RERE: variants seen among roughly 807,000 people sequenced by gnomAD.
The protein encoded by RERE is arginine-glutamic acid dipeptide repeats protein.
Under a neutral mutation model 146.1 loss-of-function variants are expected in RERE, and 40 were observed. The observed-to-expected ratio is 0.27, with a 90% CI of 0.21 to 0.36. The LOEUF (loss-of-function observed/expected upper bound fraction) is 0.36, where lower values mean the gene tolerates loss of function less well. RERE is among the 10% of genes least tolerant of loss of function. The pLI, the probability that RERE is intolerant of heterozygous loss-of-function variation, is 1.00. For synonymous variants in RERE, 1,003 were observed against 866.0 expected, an observed-to-expected ratio of 1.16 and a Z score of -2.78; for missense variants, 1,933 against 2,138.7, an observed-to-expected ratio of 0.90 and a Z score of 1.90.
chr1:8,589,626 G>C (rs1646468721), intron 4 of RERE, among the ~76,000 whole-genome samples: 2 of 152,180 alleles, frequency 1.3e-5, no homozygotes, highest in African/African-American at 4.8e-5. Flanking sequence ...ATTAGGTCTT[G>C]CTCTCAAATT....
chr1:8,380,468 C>T (rs1570097855), intron 12 of RERE, among the ~76,000 whole-genome samples: 1 of 152,104 alleles, frequency 6.6e-6, no homozygotes, highest in Admixed American at 6.5e-5. Flanking sequence ...TCTCCCTCAA[C>T]CTCCTGAGCA....
At chr1:8,559,981 C>T (rs75256508) in intron 4 of RERE, among the ~76,000 whole-genome samples, 1,537 of 152,232 alleles carry the variant, frequency 0.01, 27 homozygotes, top group African/African-American at 0.036. Context: ...TAGCCAAGAA[C>T]TTAAGAGGGG....
chr1:8,739,826 A>G (rs202108826), intron 1 of RERE, among the ~76,000 whole-genome samples: 1 of 27,496 alleles, frequency 3.6e-5, no homozygotes, highest in Non-Finnish European at 9.3e-5. Flanking sequence ...ATTATGATTA[A>G]TGTTAATAAT....
At chr1:8,600,797 C>T (rs1244251127) in intron 4 of RERE, among the ~76,000 whole-genome samples, 9 of 147,852 alleles carry the variant, frequency 6.1e-5, no homozygotes, top group Non-Finnish European at 1.3e-4. Context: ...CTGTGTCACC[C>T]AGGCTGGAGT....
At chr1:8,650,764 G>A (rs1647581939) in intron 2 of RERE, among the ~76,000 whole-genome samples, 1 of 152,062 alleles carries the variant, frequency 6.6e-6, no homozygotes, top group Admixed American at 6.5e-5. Flanking sequence ...GGGCATGGTG[G>A]CACGCGCCTG....
At position 8,595,376 on chromosome 1, in the gene RERE, C is replaced by T. The variant is rs917685679; in HGVS notation, c.522+19185G>A. ...TCATTAAATACCAATAAAAACTTTT[C>T]TGTTGTCCTGAATATTTTGTTACAA... is the stretch of plus-strand genomic sequence containing the variant. On this transcript the variant is annotated intron_variant, in intron 4 of 22. Coordinates refer to ENST00000400908, the MANE Select transcript of RERE (RefSeq NM_001042681.2). 2.6e-4 allele frequency among the ~76,000 whole-genome samples: 39 copies of T among 151,624 alleles called. 1 individual carries two copies. Among genetic ancestry groups the T allele is most frequent in the African/African-American group, 9.2e-4 (38 of 41,284 alleles).
chr1:8,646,987 G>A (rs934576764), intron 2 of RERE, among the ~76,000 whole-genome samples: 13 of 152,164 alleles, frequency 8.5e-5, no homozygotes, highest in Admixed American at 6.5e-5. Context: ...GCATGGTAAT[G>A]CATGCCTATA....
Position 8,693,590 on chromosome 1 carries a change from A to T in RERE, c.-144-37149T>A, listed in dbSNP as rs577492955. Among the ~76,000 whole-genome samples the T allele has an allele frequency of 2.0e-5, 3 of 152,316 alleles. No homozygotes were observed. In the East Asian group the frequency reaches 5.8e-4, roughly 29 times the overall value. On this transcript the variant is annotated intron_variant, in intron 1 of 22. Transcript: ENST00000400908. Reference sequence around the variant, plus strand: ...CAGTGGTGGCCAGGGGCTTGGGGGCAGAGAGGGAGGGATGAATAGGGAGAA... The same window carrying T: ...CAGTGGTGGCCAGGGGCTTGGGGGCTGAGAGGGAGGGATGAATAGGGAGAA...
chr1:8,812,747 G>C (rs1641837016), intron 1 of RERE, among the ~76,000 whole-genome samples: 1 of 152,132 alleles, frequency 6.6e-6, no homozygotes, highest in Non-Finnish European at 1.5e-5. Flanking sequence ...CTAATGTACA[G>C]ACACACAGTA....
rs1229990591 is a variant in RERE at position 8,746,416 on chromosome 1, G to C, written c.-145+70744C>G. 2.6e-5 allele frequency among the ~76,000 whole-genome samples: 4 copies of C among 152,056 alleles called. No individual in the cohort carries two copies. In the East Asian group the frequency reaches 7.7e-4, roughly 29 times the overall value. ...TGTTCAAGAATGGACCCATGTCTCAGTAAGAACCACTGAGAACCCTCCCCA... is the reference window on the plus strand; with the variant it reads ...TGTTCAAGAATGGACCCATGTCTCACTAAGAACCACTGAGAACCCTCCCCA... On this transcript the variant is annotated intron_variant, in intron 1 of 22. Coordinates refer to ENST00000400908, the MANE Select transcript of RERE (RefSeq NM_001042681.2).
intron 1 of RERE, among the ~76,000 whole-genome samples, chr1:8,720,882 C>T (rs1424191785): frequency 6.6e-6 from 1 of 152,148 alleles, no homozygotes; most frequent in Non-Finnish European, 1.5e-5. Context: ...ACGGTGCAAC[C>T]CCGTCTCTAC....
rs148422347 is a variant in RERE at position 8,667,814 on chromosome 1, T to C, written c.-144-11373A>G. Among the ~76,000 whole-genome samples the C allele has an allele frequency of 7.6e-3, 1,160 of 152,368 alleles. 10 individuals carry two copies. The highest frequency in any genetic ancestry group is 0.012 in the South Asian group (56 of 4,830). On this transcript the variant is annotated intron_variant, in intron 1 of 22. Transcript: ENST00000400908. ...CTGCCAACAGTTGTGTCTCTTCTAC[T>C]CAGCAGGTTAAGGGAAATACACTGC...
chr1:8,631,877 T>C (rs553734616), intron 2 of RERE, among the ~76,000 whole-genome samples: 43 of 152,326 alleles, frequency 2.8e-4, no homozygotes, highest in African/African-American at 1.0e-3. Context: ...CATCTACCTA[T>C]TGAAGTAGTG....
chr1:8,371,761 G>A (rs1246945848), intron 12 of RERE, among the ~76,000 whole-genome samples: 1 of 152,224 alleles, frequency 6.6e-6, no homozygotes, highest in East Asian at 1.9e-4. Flanking sequence ...ACAGGGGCCG[G>A]GGCTGCCTAC....
At chr1:8,610,356 C>A (rs565761757) in intron 4 of RERE, among the ~76,000 whole-genome samples, 8 of 151,938 alleles carry the variant, frequency 5.3e-5, no homozygotes, top group South Asian at 4.2e-4. Flanking sequence ...TTTGGGAGGC[C>A]GAGGCGGGCA....
At chr1:8,720,900 A>G (rs1201727990) in intron 1 of RERE, among the ~76,000 whole-genome samples, 1 of 152,152 alleles carries the variant, frequency 6.6e-6, no homozygotes, top group Non-Finnish European at 1.5e-5. Context: ...TACTAAAATT[A>G]CAAAAATTAG....
At chr1:8,387,437 T>G (rs1642715569) in intron 12 of RERE, among the ~76,000 whole-genome samples, 1 of 152,144 alleles carries the variant, frequency 6.6e-6, no homozygotes, top group African/African-American at 2.4e-5. Flanking sequence ...AAGCTCAAAG[T>G]ATAAAGGCTG....
At position 8,798,540 on chromosome 1, in the gene RERE, G is replaced by A. The variant is rs747087524; in HGVS notation, c.-145+18620C>T. The stretch of plus-strand genomic sequence containing the variant: ...AGACGCTATGCCAGATGCTACTCAG[G>A]AAGCAAAGATATCATCATGAAGAAC... On this transcript the variant is annotated intron_variant, in intron 1 of 22. Coordinates refer to ENST00000400908, the MANE Select transcript of RERE (RefSeq NM_001042681.2). The A allele has an allele frequency of 6.5e-5, 14 of 215,698 alleles. 1 individual carries two copies. The highest frequency in any genetic ancestry group is 1.4e-4 in the Non-Finnish European group (14 of 100,910). The allele number at this position is 215,698 out of a possible 1,614,324, so 13.4% of individuals were successfully genotyped here. A position where few individuals can be genotyped will look rare whatever the true frequency, so the allele number is the denominator to read the frequency against.
In RERE at chr1:8,384,605, A is replaced by C. The variant is rs568924056; in HGVS notation, c.1285-18631T>G. Among the ~76,000 whole-genome samples, 4 of 152,334 alleles carry C rather than the reference A, an allele frequency of 2.6e-5. No homozygotes were observed. In the East Asian group the frequency reaches 7.7e-4, roughly 29 times the overall value. On this transcript the variant is annotated intron_variant, in intron 12 of 22. Transcript: ENST00000400908. ...GAGTGATGAATATCTGAACTGATGA[A>C]TATCACTTAAAAAGTCTTGTCACAT...
Sources: allele counts gnomAD v4.1 joint callset (sites outside exome capture counted in the v4.1 genomes callset), GRCh38; gene constraint gnomAD v4.1.1; transcripts MANE v1.5; gene names NCBI Gene and HGNC (gene_info 2026-07-23, HGNC 2026-07-21).